The following TNFRSF8 variants were observed in gnomAD, a reference collection of about 807,000 sequenced individuals.
TNFRSF8 encodes TNF receptor superfamily member 8.
A neutral mutation model predicts 70.8 loss-of-function variants in TNFRSF8; 26 were observed. The ratio of observed to expected loss-of-function variants is 0.37; its 90% CI spans 0.27 to 0.51. TNFRSF8 has a LOEUF of 0.51. Among genes scored for constraint, TNFRSF8 ranks in the 20% least tolerant of loss-of-function variants. TNFRSF8 has a pLI of 0.94. For missense variants in TNFRSF8, 720 were observed against 807.9 expected (o/e 0.89, Z 1.32); for synonymous variants, 356 against 339.2 (o/e 1.05, Z -0.54).
rs1641794297 is a variant in TNFRSF8 at position 12,119,645 on chromosome 1, A to G, written c.947-3639A>G. 2.6e-5 allele frequency among the ~76,000 whole-genome samples: 4 copies of G among 151,212 alleles called. No homozygotes were observed. In the Admixed American group the frequency reaches 2.6e-4, roughly 10 times the overall value. Reference sequence around the variant, plus strand: ...GAGACAGGGTCTCACTCTGTGTTCCAGGCTGGAGTGCAGTGGCATGATCTT... The same window carrying G: ...GAGACAGGGTCTCACTCTGTGTTCCGGGCTGGAGTGCAGTGGCATGATCTT... On this transcript the variant is annotated intron_variant, in intron 8 of 14. Transcript: ENST00000263932. This position sits in a 1 kb window ranked among gnomAD's most constrained non-coding sequence, Gnocchi z 4.4.
In TNFRSF8 at chr1:12,110,892, C is replaced by T. The variant is rs554473555; in HGVS notation, c.676+688C>T. On this transcript the variant is annotated intron_variant, in intron 6 of 14. Coordinates refer to ENST00000263932, the MANE Select transcript of TNFRSF8 (RefSeq NM_001243.5). The surrounding 1 kb of genome is among the most constrained non-coding windows in gnomAD (Gnocchi z 4.0). ...GGAGGATTACAGGCGTGAGCCACCG[C>T]GCCCAACCTAGTCCCATTTTATTAC... 7.2e-5 allele frequency among the ~76,000 whole-genome samples: 11 copies of T among 152,330 alleles called. No individual in the cohort carries two copies. The East Asian group carries it at 9.7e-4, about 13-fold the overall frequency.
In TNFRSF8 at chr1:12,112,037, G is replaced by T; in HGVS notation, c.793+23G>T. The T allele has an allele frequency of 6.3e-7, 1 of 1,584,776 alleles. No homozygotes were observed. The highest frequency in any genetic ancestry group is 8.7e-7 in the Non-Finnish European group (1 of 1,154,956). On this transcript the variant is annotated intron_variant, in intron 7 of 14. Transcript: ENST00000263932. The surrounding 1 kb of genome is among the most constrained non-coding windows in gnomAD (Gnocchi z 5.3). The stretch of plus-strand genomic sequence containing the variant: ...GAGGTAAGGGCCTCGTCCCTCCCCG[G>T]GCCTCAGTTTACCTCTCTGCATTTT...
At chr1:12,098,705 AAGG>A (rs1641371009) in intron 3 of TNFRSF8, among the ~76,000 whole-genome samples, 1 of 152,192 alleles carries the variant, frequency 6.6e-6, no homozygotes, top group Non-Finnish European at 1.5e-5. Context: ...AAAATTAAGA[AAGG>A]AGGTTATGAA....
rs1229299302 is a variant in TNFRSF8 at position 12,084,447 on chromosome 1, C to T, written c.64-17C>T. The stretch of plus-strand genomic sequence containing the variant: ...TCTGGGATCCACCTGGCCTCACCAG[C>T]TTTTCTGACCTGCCAGGATCGACCC... On this transcript the variant is annotated splice_polypyrimidine_tract_variant and intron_variant, in intron 1 of 14. Coordinates refer to ENST00000263932, the MANE Select transcript of TNFRSF8 (RefSeq NM_001243.5). 3 of 1,613,322 alleles carry T rather than the reference C, an allele frequency of 1.9e-6. No homozygotes were observed. Among genetic ancestry groups the T allele is most frequent in the Non-Finnish European group, 2.5e-6 (3 of 1,179,500 alleles).
rs1641190548 is a variant in TNFRSF8 at position 12,088,357 on chromosome 1, C to T, written c.151+3806C>T. On this transcript the variant is annotated intron_variant, in intron 2 of 14. Transcript: ENST00000263932. The surrounding 1 kb of genome is among the most constrained non-coding windows in gnomAD (Gnocchi z 4.0). Reference sequence around the variant, plus strand: ...GTTCCTTCAATCCTGATAAGAAATCCAGAGAGGAAACTTGGACACCGAGGG... The same window carrying T: ...GTTCCTTCAATCCTGATAAGAAATCTAGAGAGGAAACTTGGACACCGAGGG... Among the ~76,000 whole-genome samples the T allele has an allele frequency of 1.3e-5, 2 of 152,036 alleles. No individual in the cohort carries two copies. Among genetic ancestry groups the T allele is most frequent in the Admixed American group, 1.3e-4 (2 of 15,270 alleles).
intron 2 of TNFRSF8, among the ~76,000 whole-genome samples, chr1:12,087,859 C>T (rs1432957891): frequency 6.6e-6 from 1 of 152,198 alleles, no homozygotes; most frequent in African/African-American, 2.4e-5. Context: ...CCCTCCTCCC[C>T]ACTTCCCCTC....
In TNFRSF8 at chr1:12,138,716, G is replaced by A. The variant is rs1030519271; in HGVS notation, c.1543+280G>A. Among the ~76,000 whole-genome samples, 7 of 152,266 alleles carry A rather than the reference G, an allele frequency of 4.6e-5. No homozygotes were observed. Among genetic ancestry groups the A allele is most frequent in the East Asian group, 3.9e-4 (2 of 5,176 alleles). On this transcript the variant is annotated intron_variant, in intron 14 of 14. Coordinates refer to ENST00000263932, the MANE Select transcript of TNFRSF8 (RefSeq NM_001243.5). The surrounding 1 kb of genome is among the most constrained non-coding windows in gnomAD (Gnocchi z 5.7). ...CCCCAGCCCCCAACACCGAGCACCC[G>A]AGGGGACAGGAGGAAGACGTGCCAG...
chr1:12,123,559 C>G (rs974516055), intron 9 of TNFRSF8, among the ~76,000 whole-genome samples, 156 bp from the exon 10 acceptor site: 2 of 152,240 alleles, frequency 1.3e-5, no homozygotes, highest in Non-Finnish European at 2.9e-5. Flanking sequence ...CCTTGAAACC[C>G]AGTCCCTGCC....
Position 12,084,502 on chromosome 1 carries a change from C to A in TNFRSF8, c.102C>A (p.Ser34Arg). ...AGGACACCTGTCATGGAAACCCCAG[C>A]CACTACTATGACAAGGCTGTCAGGA... The part of the protein sequence containing the change: ...PFEDTCHGNP[S>R]HYYDKAVRRC... Residue 34 changes from serine (S) to arginine (R), a missense_variant, in exon 2 of 15, where the codon AGC becomes AGA. Transcript: ENST00000263932. The A allele has an allele frequency of 6.2e-7, 1 of 1,614,060 alleles. No homozygotes were observed. The highest frequency in any genetic ancestry group is 8.5e-7 in the Non-Finnish European group (1 of 1,180,000).
chr1:12,088,234 CG>C lies in TNFRSF8; in HGVS notation c.151+3687del, dbSNP rs1641188386. Among the ~76,000 whole-genome samples the C allele has an allele frequency of 6.6e-6, 1 of 152,122 alleles. No homozygotes were observed. The highest frequency in any genetic ancestry group is 2.1e-4 in the South Asian group (1 of 4,812). ...CCCTTTGCTTACATACTCTTGGTGA[CG>C]GGGAGCTCATTCACTGACTCATAAC... On this transcript the variant is annotated intron_variant, in intron 2 of 14. Coordinates refer to ENST00000263932, the MANE Select transcript of TNFRSF8 (RefSeq NM_001243.5). The surrounding 1 kb of genome is among the most constrained non-coding windows in gnomAD (Gnocchi z 4.0).
intron 1 of TNFRSF8, among the ~76,000 whole-genome samples, chr1:12,068,167 C>T (rs1315365331): frequency 2.0e-5 from 3 of 152,156 alleles, no homozygotes; most frequent in Non-Finnish European, 4.4e-5. Context: ...CCCTTCTTCA[C>T]ATCAGGACAA....
chr1:12,130,711 G>A (rs972964162), intron 12 of TNFRSF8, among the ~76,000 whole-genome samples: 2 of 152,342 alleles, frequency 1.3e-5, no homozygotes, highest in Non-Finnish European at 2.9e-5. Flanking sequence ...CTGTGACACC[G>A]TGCACTTGTG....
chr1:12,134,959 G>C (rs1186190599), intron 12 of TNFRSF8, among the ~76,000 whole-genome samples: 1 of 152,138 alleles, frequency 6.6e-6, no homozygotes, highest in African/African-American at 2.4e-5. Context: ...ACCAATCCTT[G>C]CATGTGCGCG....
chr1:12,137,310 T>TAAA lies in TNFRSF8; in HGVS notation c.1336-915_1336-913dup, dbSNP rs765856908. ...ACATAAAATAAAACCATTTAAAAAG[T>TAAA]AAAAAATAATAATAATAATAATGGC... On this transcript the variant is annotated intron_variant, in intron 13 of 14. Coordinates refer to ENST00000263932, the MANE Select transcript of TNFRSF8 (RefSeq NM_001243.5). Among the ~76,000 whole-genome samples, 836 of 103,320 alleles carry TAAA rather than the reference T, an allele frequency of 8.1e-3. 3 individuals carry two copies. Among genetic ancestry groups the TAAA allele is most frequent in the Non-Finnish European group, 0.013 (618 of 46,222 alleles). 67.8% of individuals were successfully genotyped at this position (103,320 alleles called of 152,430 possible).
chr1:12,135,060 A>G (rs936452126), intron 12 of TNFRSF8, among the ~76,000 whole-genome samples: 2 of 152,160 alleles, frequency 1.3e-5, no homozygotes, highest in Admixed American at 1.3e-4. Flanking sequence ...TCACGCCTGT[A>G]ATCCCAGCAC....
At chr1:12,129,287 C>G (rs1361017759) in intron 12 of TNFRSF8, among the ~76,000 whole-genome samples, 1 of 152,042 alleles carries the variant, frequency 6.6e-6, no homozygotes. Context: ...TGACCTGAAC[C>G]ATTTGAGAGT....
rs997851693 is a variant in TNFRSF8 at position 12,105,972 on chromosome 1, A to G, written c.421+1441A>G. 4.0e-5 allele frequency among the ~76,000 whole-genome samples: 6 copies of G among 149,530 alleles called. No homozygotes were observed. In the East Asian group the frequency reaches 1.2e-3, roughly 29 times the overall value. On this transcript the variant is annotated intron_variant, in intron 4 of 14. Coordinates refer to ENST00000263932, the MANE Select transcript of TNFRSF8 (RefSeq NM_001243.5). ...AAAAAAAAAAAAGAAAACTCCAGGG[A>G]CTCACCACGGTGTCCTTCAGGTCCC... is the stretch of plus-strand genomic sequence containing the variant.
intron 3 of TNFRSF8, among the ~76,000 whole-genome samples, chr1:12,100,167 TA>T (rs879761148): frequency 1.3e-4 from 19 of 148,504 alleles, no homozygotes; most frequent in South Asian, 4.2e-4. Flanking sequence ...AGACACCATC[TA>T]AAAAAAAAAT....
At chr1:12,094,619 T>G (rs1557584541) in intron 2 of TNFRSF8, among the ~76,000 whole-genome samples, 1 of 150,120 alleles carries the variant, frequency 6.7e-6, no homozygotes, top group Non-Finnish European at 1.5e-5. Context: ...GCTAGTTTTT[T>G]TTTTTTTTTT....
Sources: allele counts gnomAD v4.1 joint callset (sites outside exome capture counted in the v4.1 genomes callset), GRCh38; gene constraint gnomAD v4.1.1; non-coding constraint Gnocchi (gnomAD v3.1); transcripts MANE v1.5; gene names NCBI Gene and HGNC (gene_info 2026-07-23, HGNC 2026-07-21).